FOXN3: variants seen among roughly 807,000 people sequenced by gnomAD.
The protein encoded by FOXN3 is forkhead box protein N3.
FOXN3 carries 7 observed loss-of-function variants against 38.4 expected under a neutral mutation model. The observed-to-expected ratio is 0.18, with a 90% confidence interval of 0.10 to 0.34. The LOEUF (loss-of-function observed/expected upper bound fraction) is 0.34. FOXN3 is among the 10% of genes least tolerant of loss of function. The pLI, the probability that FOXN3 is intolerant of heterozygous loss-of-function variation, is 1.00. For missense variants in FOXN3, 456 were observed against 613.4 expected (o/e 0.74, Z 2.71); for synonymous variants, 230 against 242.2 (o/e 0.95, Z 0.47).
Position 89,196,210 on chromosome 14 carries a change from C to T in FOXN3, c.746-15404G>A, listed in dbSNP as rs115835022. 6.7e-3 allele frequency among the ~76,000 whole-genome samples: 1,020 copies of T among 152,316 alleles called. 13 individuals carry two copies. Among genetic ancestry groups the T allele is most frequent in the African/African-American group, 0.023 (954 of 41,568 alleles). On this transcript the variant is annotated intron_variant, in intron 4 of 5. Transcript: ENST00000557258. ...AATGTACACACACAGTTATATTATG[C>T]TGCAGGGAGACAAACAGGTAACACA...
At chr14:89,192,157 GATATTA>G (rs1887966825) in intron 4 of FOXN3, among the ~76,000 whole-genome samples, 1 of 145,908 alleles carries the variant, frequency 6.9e-6, no homozygotes, top group Admixed American at 6.9e-5. Flanking sequence ...ATTTCCCACT[GATATTA>G]ATATATATTA....
chr14:89,310,952 C>CA (rs1887521060), intron 3 of FOXN3, among the ~76,000 whole-genome samples: 5 of 151,490 alleles, frequency 3.3e-5, no homozygotes, highest in Non-Finnish European at 4.4e-5. Context: ...ACTAAAAATA[C>CA]AAAATTAGCC....
intron 3 of FOXN3, among the ~76,000 whole-genome samples, chr14:89,328,184 T>TA (rs1888131220): frequency 6.6e-6 from 1 of 152,236 alleles, no homozygotes. Flanking sequence ...ACTGGAGGTG[T>TA]ACGCTCTGAT....
intron 4 of FOXN3, among the ~76,000 whole-genome samples, chr14:89,212,280 G>T (rs972069811): frequency 2.0e-5 from 3 of 152,212 alleles, no homozygotes; most frequent in Non-Finnish European, 4.4e-5. Flanking sequence ...ATCGTGTGTT[G>T]GGGGCACTGT....
chr14:89,606,119 A>G (rs1896270167), intron 1 of FOXN3, among the ~76,000 whole-genome samples: 1 of 152,226 alleles, frequency 6.6e-6, no homozygotes, highest in Non-Finnish European at 1.5e-5. Flanking sequence ...GCTATTATAA[A>G]CAATCATTAT....
intron 4 of FOXN3, among the ~76,000 whole-genome samples, chr14:89,238,349 C>A (rs1885041356): frequency 6.6e-6 from 1 of 152,230 alleles, no homozygotes; most frequent in Non-Finnish European, 1.5e-5. Flanking sequence ...ATTTAATTTG[C>A]ACACAGATAC....
intron 2 of FOXN3, among the ~76,000 whole-genome samples, chr14:89,408,910 A>G (rs2140094498): frequency 6.6e-6 from 1 of 152,222 alleles, no homozygotes; most frequent in Middle Eastern, 3.4e-3. Context: ...TTACCCATAG[A>G]GCTAAAGGAG....
intron 5 of FOXN3, among the ~76,000 whole-genome samples, chr14:89,166,623 A>C (rs537983672): frequency 6.6e-6 from 1 of 152,334 alleles, no homozygotes; most frequent in Admixed American, 6.5e-5. Flanking sequence ...AAACCAATAC[A>C]TCCACTGATA....
intron 1 of FOXN3, among the ~76,000 whole-genome samples, chr14:89,446,906 G>A (rs1478469385): frequency 3.9e-5 from 6 of 152,158 alleles, no homozygotes; most frequent in African/African-American, 9.7e-5. Context: ...TCCTTAAAAT[G>A]AATTCCTGGG....
chr14:89,352,746 A>G (rs1353682617), intron 2 of FOXN3, among the ~76,000 whole-genome samples: 2 of 152,228 alleles, frequency 1.3e-5, no homozygotes, highest in Non-Finnish European at 2.9e-5. Flanking sequence ...TAACGCTACA[A>G]AAATAATATG....
upstream of FOXN3, among the ~76,000 whole-genome samples, chr14:89,421,965 G>A (rs144295971): frequency 3.9e-5 from 6 of 152,184 alleles, no homozygotes; most frequent in African/African-American, 9.6e-5. Context: ...CTGCAGCCTC[G>A]AACTCCTAGA....
intron 5 of FOXN3, among the ~76,000 whole-genome samples, chr14:89,177,262 C>T (rs1596081928): frequency 1.3e-5 from 2 of 152,226 alleles, no homozygotes; most frequent in South Asian, 4.1e-4. Flanking sequence ...CTGCCTGCCT[C>T]GGCCTCCCAA....
chr14:89,334,044 C>CACACACACACACAT (rs71130056), intron 3 of FOXN3, among the ~76,000 whole-genome samples: 19 of 144,452 alleles, frequency 1.3e-4, no homozygotes, highest in South Asian at 2.2e-4. Context: ...CACACACACA[C>CACACACACACACAT]ACACAAAGGA....
At chr14:89,298,216 T>C (rs556050285) in intron 3 of FOXN3, among the ~76,000 whole-genome samples, 18 of 152,114 alleles carry the variant, frequency 1.2e-4, no homozygotes, top group Admixed American at 2.0e-4. Flanking sequence ...ACTCCACTTT[T>C]ATAAGGTATC....
intron 1 of FOXN3, among the ~76,000 whole-genome samples, chr14:89,423,125 G>C (rs1450663045): frequency 6.6e-6 from 1 of 152,164 alleles, no homozygotes; most frequent in Non-Finnish European, 1.5e-5. Flanking sequence ...CCTGCCCTCA[G>C]GGAGGAGTAG....
chr14:89,244,857 C>T (rs1264209040), intron 4 of FOXN3, among the ~76,000 whole-genome samples: 5 of 152,202 alleles, frequency 3.3e-5, no homozygotes, highest in Admixed American at 1.3e-4. Context: ...TCTTTTTGCA[C>T]TGGGCACCTG....
chr14:89,324,787 G>A (rs1352932102), intron 3 of FOXN3, among the ~76,000 whole-genome samples: 1 of 152,082 alleles, frequency 6.6e-6, no homozygotes, highest in East Asian at 1.9e-4. Context: ...ACAACTGCCT[G>A]GAAGTCTCTG....
chr14:89,466,969 T>A (rs1892984237), intron 1 of FOXN3, among the ~76,000 whole-genome samples: 2 of 152,200 alleles, frequency 1.3e-5, no homozygotes, highest in Non-Finnish European at 1.5e-5. Context: ...TGTCTGCACA[T>A]AAAGACGTGA....
chr14:89,232,493 A>T (rs960509902), intron 4 of FOXN3, among the ~76,000 whole-genome samples: 15 of 152,166 alleles, frequency 9.9e-5, no homozygotes, highest in Non-Finnish European at 2.1e-4. Flanking sequence ...ACCGGGAAGG[A>T]TTATATAACA....
Sources: gnomAD v4.1 joint callset for allele counts (sites outside exome capture counted in the v4.1 genomes callset) on GRCh38, gnomAD v4.1.1 for gene constraint, MANE v1.5 for transcripts, NCBI Gene and HGNC (gene_info 2026-07-23, HGNC 2026-07-21) for gene names.